Variants in MMP16 observed in about 807,000 individuals in gnomAD.
MMP16 encodes matrix metalloproteinase-16.
In MMP16, 12 loss-of-function variants were observed where a neutral mutation model predicts 67.8. That is an observed-to-expected ratio of 0.18 (90% CI 0.11 to 0.29). MMP16 has a LOEUF of 0.29. MMP16 is among the 10% of genes least tolerant of loss of function. The pLI is 1.00. For missense variants in MMP16, 475 were observed against 765.7 expected, an observed-to-expected ratio of 0.62 and a Z score of 4.48; for synonymous variants, 249 against 255.9, an observed-to-expected ratio of 0.97 and a Z score of 0.26.
intron 6 of MMP16, among the ~76,000 whole-genome samples, chr8:88,108,151 T>C (rs1809274162): frequency 6.6e-6 from 1 of 151,248 alleles, no homozygotes; most frequent in Non-Finnish European, 1.5e-5. Flanking sequence ...AGTATAAAGA[T>C]TTAAACTGAA....
intron 1 of MMP16, among the ~76,000 whole-genome samples, chr8:88,231,785 G>A (rs1809862248): frequency 6.6e-6 from 1 of 151,970 alleles, no homozygotes; most frequent in Admixed American, 6.6e-5. Flanking sequence ...ATATGTTTAA[G>A]TTGAAAACAA....
At chr8:88,224,197 A>T (rs1211339159) in intron 1 of MMP16, among the ~76,000 whole-genome samples, 1 of 152,046 alleles carries the variant, frequency 6.6e-6, no homozygotes, top group African/African-American at 2.4e-5. Context: ...GACTAATAAG[A>T]AAATTGGTCT....
intron 1 of MMP16, among the ~76,000 whole-genome samples, chr8:88,310,237 T>C (rs1811274721): frequency 6.6e-6 from 1 of 152,134 alleles, no homozygotes; most frequent in Non-Finnish European, 1.5e-5. Context: ...GGCATTTATA[T>C]AAACGTTCTA....
At chr8:88,309,953 G>A (rs1811270534) in intron 1 of MMP16, among the ~76,000 whole-genome samples, 1 of 152,048 alleles carries the variant, frequency 6.6e-6, no homozygotes, top group South Asian at 2.1e-4. Context: ...AATGGACACA[G>A]CCACTGACAG....
chr8:88,264,058 G>T (rs200481590), intron 1 of MMP16, among the ~76,000 whole-genome samples: 1 of 60,856 alleles, frequency 1.6e-5, no homozygotes, highest in African/African-American at 7.0e-5. Flanking sequence ...ATATATATAG[G>T]GAGAGAGAGA....
intron 4 of MMP16, among the ~76,000 whole-genome samples, chr8:88,126,007 T>C (rs1192042278): frequency 6.6e-6 from 1 of 151,888 alleles, no homozygotes; most frequent in Non-Finnish European, 1.5e-5. Context: ...TGCCATATTA[T>C]TTTTATTTCC....
chr8:88,168,029 A>G, intron 3 of MMP16, 56 bp from the exon 4 acceptor site: 1 of 1,369,956 alleles, frequency 7.3e-7, no homozygotes, highest in Non-Finnish European at 1.0e-6. Context: ...AACTTAGTAC[A>G]GGTTTTGATC....
chr8:88,129,945 T>C (rs1184689212), intron 4 of MMP16, among the ~76,000 whole-genome samples: 1 of 151,716 alleles, frequency 6.6e-6, no homozygotes, highest in Non-Finnish European at 1.5e-5. Flanking sequence ...GAGCTTGAAA[T>C]CAACAACTCA....
intron 4 of MMP16, among the ~76,000 whole-genome samples, chr8:88,130,861 G>A (rs1808016752): frequency 6.6e-6 from 1 of 151,382 alleles, no homozygotes; most frequent in African/African-American, 2.4e-5. Flanking sequence ...AAATAAATTT[G>A]TATAATAACT....
intron 4 of MMP16, among the ~76,000 whole-genome samples, chr8:88,157,745 G>C (rs200805119): frequency 6.6e-6 from 1 of 151,882 alleles, no homozygotes; most frequent in Non-Finnish European, 1.5e-5. Context: ...ATAGGTATAC[G>C]TGTGCCATGT....
At chr8:88,136,113 G>C (rs969471634) in intron 4 of MMP16, among the ~76,000 whole-genome samples, 1 of 151,716 alleles carries the variant, frequency 6.6e-6, no homozygotes, top group Non-Finnish European at 1.5e-5. Context: ...TAGCCTACTG[G>C]GAAGTTAAAA....
At chr8:88,154,262 G>C (rs1292099320) in intron 4 of MMP16, among the ~76,000 whole-genome samples, 2 of 136,510 alleles carry the variant, frequency 1.5e-5, no homozygotes, top group Non-Finnish European at 3.1e-5. Context: ...CTTTTACACT[G>C]TTGGTGGGAC....
intron 1 of MMP16, among the ~76,000 whole-genome samples, chr8:88,273,371 G>A (rs1007991112): frequency 5.3e-5 from 8 of 151,690 alleles, no homozygotes; most frequent in South Asian, 2.1e-4. Flanking sequence ...GATTACAGGC[G>A]TGAGCCACCG....
chr8:88,297,791 G>A (rs949160271), intron 1 of MMP16, among the ~76,000 whole-genome samples: 2 of 152,294 alleles, frequency 1.3e-5, no homozygotes, highest in Admixed American at 6.5e-5. Context: ...TGTAAAATGA[G>A]TATGGCAATA....
At chr8:88,149,173 C>G (rs915103683) in intron 4 of MMP16, among the ~76,000 whole-genome samples, 10 of 152,332 alleles carry the variant, frequency 6.6e-5, no homozygotes, top group African/African-American at 2.4e-4. Flanking sequence ...AACGGCGCAC[C>G]ACGAAACCAT....
intron 6 of MMP16, among the ~76,000 whole-genome samples, chr8:88,079,506 G>T (rs1056450592): frequency 2.0e-5 from 3 of 152,088 alleles, no homozygotes; most frequent in South Asian, 2.1e-4. Context: ...TATCCTCCAT[G>T]GGTAAGAGGG....
chr8:88,280,793 G>C, intron 1 of MMP16, among the ~76,000 whole-genome samples: 1 of 152,114 alleles, frequency 6.6e-6, no homozygotes, highest in Non-Finnish European at 1.5e-5. Flanking sequence ...GCTGAGACAG[G>C]AGGACTGCTT....
At chr8:88,195,932 T>C (rs994435197) in intron 2 of MMP16, among the ~76,000 whole-genome samples, 9 of 152,224 alleles carry the variant, frequency 5.9e-5, no homozygotes, top group African/African-American at 2.2e-4. Context: ...ACTAACATCA[T>C]GTTGCAAACT....
intron 5 of MMP16, 115 bp from the exon 6 acceptor site, chr8:88,116,833 G>A: frequency 1.1e-6 from 1 of 919,286 alleles, no homozygotes; most frequent in African/African-American, 1.7e-5. Flanking sequence ...TGAACTAAGA[G>A]GTCTTTAAGA....
Sources: gnomAD v4.1 joint callset for allele counts (sites outside exome capture counted in the v4.1 genomes callset) on GRCh38, gnomAD v4.1.1 for gene constraint, MANE v1.5 for transcripts, NCBI Gene and HGNC (gene_info 2026-07-23, HGNC 2026-07-21) for gene names.